Variants in NR4A3 observed in about 807,000 individuals in gnomAD.
NR4A3 encodes chondrosarcoma, extraskeletal myxoid, fused to EWS.
Under a neutral mutation model 55.6 loss-of-function variants are expected in NR4A3, and 13 were observed. That is an observed-to-expected ratio of 0.23 (90% CI 0.15 to 0.37). The LOEUF is 0.37. NR4A3 is among the 10% of genes least tolerant of loss of function. The pLI is 1.00. For synonymous variants in NR4A3, 342 were observed against 357.9 expected (o/e 0.96, Z 0.50); for missense variants, 646 against 822.8 (o/e 0.79, Z 2.63).
intron 5 of NR4A3, among the ~76,000 whole-genome samples, chr9:99,838,910 C>T (rs937302772): frequency 2.6e-5 from 4 of 152,208 alleles, no homozygotes; most frequent in African/African-American, 9.7e-5. Context: ...TCCAGCTTTT[C>T]CTGGGGTTGA....
At chr9:99,834,127 G>T in intron 5 of NR4A3, 1 of 805,694 alleles carries the variant, frequency 1.2e-6, no homozygotes, top group Non-Finnish European at 1.5e-6. Context: ...CATAAATGAC[G>T]ATTGGTGTTG....
At chr9:99,830,620 C>A (rs1315548068) in intron 3 of NR4A3, among the ~76,000 whole-genome samples, 3 of 152,164 alleles carry the variant, frequency 2.0e-5, no homozygotes, top group Admixed American at 6.5e-5. Context: ...AATGCAGAAT[C>A]TTGGTCATTT....
chr9:99,827,690 C>A lies in NR4A3; in HGVS notation c.-2-351C>A, dbSNP rs147348305. ...GTCCCCCTAGGTTATAGCTGAGGAG[C>A]CCACTCCAATTAGTTTATAGGATTC... On this transcript the variant is annotated intron_variant, in intron 2 of 7. Transcript: ENST00000395097. Among the ~76,000 whole-genome samples, 9 of 152,298 alleles carry A rather than the reference C, an allele frequency of 5.9e-5. No individual in the cohort carries two copies. The East Asian group carries it at 1.7e-3, about 29-fold the overall frequency.
At chr9:99,847,350 C>A in intron 6 of NR4A3, 87 bp from the exon 7 acceptor site, 1 of 1,284,688 alleles carries the variant, frequency 7.8e-7, no homozygotes, top group Non-Finnish European at 1.1e-6. Flanking sequence ...TGCCCCATGG[C>A]TGTCTGTGTG....
intron 5 of NR4A3, among the ~76,000 whole-genome samples, chr9:99,839,500 TATCTC>T (rs1307028631): frequency 6.6e-6 from 1 of 152,218 alleles, no homozygotes; most frequent in African/African-American, 2.4e-5. Context: ...TCCACACAAA[TATCTC>T]ATTTGGGGCC....
chr9:99,822,244 G>A lies in NR4A3; in HGVS notation c.-340G>A, dbSNP rs1353870304. 2 of 152,324 alleles carry A rather than the reference G, an allele frequency of 1.3e-5. No individual in the cohort carries two copies. Among genetic ancestry groups the A allele is most frequent in the Non-Finnish European group, 2.9e-5 (2 of 68,160 alleles). The allele number at this position is 152,324 out of a possible 1,614,324, so 9.4% of individuals were successfully genotyped here. On this transcript the variant is annotated 5_prime_UTR_variant, in exon 1 of 8. Coordinates refer to ENST00000395097, the MANE Select transcript of NR4A3 (RefSeq NM_006981.4). This position sits in a 1 kb window ranked among gnomAD's most constrained non-coding sequence, Gnocchi z 4.9. ...ACCTCTCGGCTGTGCTCTCCCATGA[G>A]TCGGGATCGCAGCATCCCCCACCAG...
Position 99,865,974 on chromosome 9 carries a change from C to T in NR4A3, c.*2107C>T, listed in dbSNP as rs1233798036. ...TGAAGGGTGAAGAGTTACTCAAGGT[C>T]AAACAGCTGGTAACAGAATCAAGAC... On this transcript the variant is annotated 3_prime_UTR_variant, in exon 8 of 8. Transcript: ENST00000395097. This position sits in a 1 kb window ranked among gnomAD's most constrained non-coding sequence, Gnocchi z 4.3. 4.6e-6 allele frequency: 1 copy of T among 219,598 alleles called. No homozygotes were observed. Among genetic ancestry groups the T allele is most frequent in the Non-Finnish European group, 9.1e-6 (1 of 109,294 alleles). 13.6% of individuals were successfully genotyped at this position (219,598 alleles called of 1,614,324 possible).
At position 99,841,978 on chromosome 9, in the gene NR4A3, A is replaced by AT. The variant is rs1202248890; in HGVS notation, c.1255-2663dup. On this transcript the variant is annotated intron_variant, in intron 5 of 7. Coordinates refer to ENST00000395097, the MANE Select transcript of NR4A3 (RefSeq NM_006981.4). ...GAGCGAGACCCTGTCTCAAAAAAAA[A>AT]TTTTTTTTGAGGAAGGTATCCCCAT... Among the ~76,000 whole-genome samples, 5 of 151,994 alleles carry AT rather than the reference A, an allele frequency of 3.3e-5. 1 individual carries two copies. Among genetic ancestry groups the AT allele is most frequent in the Non-Finnish European group, 7.4e-5 (5 of 67,976 alleles).
chr9:99,829,019 C>G, intron 3 of NR4A3, 26 bp downstream of exon 3: 1 of 1,312,570 alleles, frequency 7.6e-7, no homozygotes, highest in Non-Finnish European at 9.7e-7. Flanking sequence ...CCCCTCCCCT[C>G]CGCACCCAGC....
At chr9:99,833,583 T>C in intron 5 of NR4A3, 129 bp downstream of exon 5, 2 of 1,605,262 alleles carry the variant, frequency 1.2e-6, no homozygotes, top group Non-Finnish European at 1.7e-6. Flanking sequence ...TTTTTCTATA[T>C]TTCTCGCTTC....
In NR4A3 at chr9:99,828,349, C is replaced by A. The variant is rs1827355152; in HGVS notation, c.307C>A (p.His103Asn). 1 of 1,603,368 alleles carries A rather than the reference C, an allele frequency of 6.2e-7. No homozygotes were observed. The highest frequency in any genetic ancestry group is 1.3e-5 in the African/African-American group (1 of 74,836). Reference protein sequence around the residue: ...SYHHHHHHHHHHHHHHQQQHQ... With the variant: ...SYHHHHHHHHNHHHHHQQQHQ... ...CCATCACCATCACCACCACCACCAC[C>A]ACCACCACCACCATCACCAGCAGCA... is the stretch of plus-strand genomic sequence containing the variant. Residue 103 changes from histidine (H) to asparagine (N), a missense_variant, in exon 3 of 8, where the codon CAC (histidine) becomes AAC (asparagine). Transcript: ENST00000395097. This position sits in a 1 kb window ranked among gnomAD's most constrained non-coding sequence, Gnocchi z 7.7.
Position 99,828,096 on chromosome 9 carries a change from G to T in NR4A3, c.54G>T (p.Ala18=), listed in dbSNP as rs546710870. ...CTTCCCCTCCAGGTTCCAGTTATGC[G>T]GCGCAGACATACAGCTCGGAATACA... ...YSPSPPGSSY[A]AQTYSSEYTT... Residue 18 remains alanine (A), a synonymous_variant, in exon 3 of 8, where the codon GCG becomes GCT. Transcript: ENST00000395097. The surrounding 1 kb of genome is among the most constrained non-coding windows in gnomAD (Gnocchi z 7.7). The T allele has an allele frequency of 1.9e-6, 3 of 1,613,934 alleles. No individual in the cohort carries two copies. The highest frequency in any genetic ancestry group is 2.7e-5 in the African/African-American group (2 of 74,836).
chr9:99,861,638 A>C (rs1197222999), intron 7 of NR4A3, among the ~76,000 whole-genome samples: 1 of 152,204 alleles, frequency 6.6e-6, no homozygotes, highest in Non-Finnish European at 1.5e-5. Flanking sequence ...AACTTCCCCA[A>C]ATCATACACA....
chr9:99,851,939 G>A (rs1050932838), intron 7 of NR4A3, among the ~76,000 whole-genome samples: 4 of 152,204 alleles, frequency 2.6e-5, no homozygotes, highest in Non-Finnish European at 5.9e-5. Context: ...CATTGTACCA[G>A]TCTCTTGGGA....
chr9:99,830,505 AT>A (rs143507472), intron 3 of NR4A3, among the ~76,000 whole-genome samples: 15,956 of 152,312 alleles, frequency 0.1, 1,010 homozygotes, highest in Non-Finnish European at 0.14. Flanking sequence ...TGATCTTCAG[AT>A]TGTAAATATC....
At chr9:99,840,504 T>G (rs1827633684) in intron 5 of NR4A3, among the ~76,000 whole-genome samples, 1 of 152,172 alleles carries the variant, frequency 6.6e-6, no homozygotes, top group Non-Finnish European at 1.5e-5. Context: ...TCCCACTATT[T>G]TAAAACAAAA....
chr9:99,847,581 C>A lies in NR4A3; in HGVS notation c.1599C>A (p.Ala533=). 1 of 1,614,178 alleles carries A rather than the reference C, an allele frequency of 6.2e-7. No homozygotes were observed. The highest frequency in any genetic ancestry group is 8.5e-7 in the Non-Finnish European group (1 of 1,180,022). Residue 533 remains alanine, a synonymous_variant, in exon 7 of 8, where the codon GCC becomes GCA. Coordinates refer to ENST00000395097, the MANE Select transcript of NR4A3 (RefSeq NM_006981.4). ...AGAGCCTGAACCTTGATATCCAAGCCTTAGCCTGCCTGTCAGCACTGAGCA... is the reference window on the plus strand; with the variant it reads ...AGAGCCTGAACCTTGATATCCAAGCATTAGCCTGCCTGTCAGCACTGAGCA... The part of the protein sequence containing the change: ...NLQSLNLDIQ[A]LACLSALSMI...
At chr9:99,863,583 C>T (rs778155246) in intron 7 of NR4A3, 37 bp from the exon 8 acceptor site, 3 of 1,592,532 alleles carry the variant, frequency 1.9e-6, no homozygotes, top group African/African-American at 1.4e-5. Flanking sequence ...GATGTATTTG[C>T]CTCCTAAACT....
At chr9:99,855,371 T>G (rs2118150366) in intron 7 of NR4A3, among the ~76,000 whole-genome samples, 1 of 152,296 alleles carries the variant, frequency 6.6e-6, no homozygotes, top group Non-Finnish European at 1.5e-5. Flanking sequence ...TCTCCCAAAT[T>G]AGAAAAATCT....
Sources: allele counts gnomAD v4.1 joint callset (sites outside exome capture counted in the v4.1 genomes callset), GRCh38; gene constraint gnomAD v4.1.1; non-coding constraint Gnocchi (gnomAD v3.1); transcripts MANE v1.5; gene names NCBI Gene and HGNC (gene_info 2026-07-23, HGNC 2026-07-21).